MRTFB: variants seen among roughly 807,000 people sequenced by gnomAD.
The protein encoded by MRTFB is myocardin related transcription factor B, also known as myocardin-related transcription factor B.
MRTFB carries 29 observed loss-of-function variants against 104.2 expected under a neutral mutation model. The ratio of observed to expected loss-of-function variants is 0.28; its 90% CI spans 0.21 to 0.38. MRTFB has a LOEUF of 0.38. MRTFB is among the 10% of genes least tolerant of loss of function. The probability of loss-of-function intolerance (pLI) is 1.00; values close to 1 mark genes in which losing one functional copy is unlikely to be tolerated. For missense variants in MRTFB, 1,270 were observed against 1,341.6 expected (o/e 0.95, Z 0.83); for synonymous variants, 535 against 519.5 (o/e 1.03, Z -0.41).
At chr16:14,017,711 A>ATATATATATATATATATAT in the MRTFB span, among the ~76,000 whole-genome samples, 2 of 33,596 alleles carry the variant, frequency 6.0e-5, no homozygotes, top group East Asian at 1.0e-3. Context: ...ATATATATAT[A>ATATATATATATATATATAT]TTTTTTTTTT....
At chr16:14,012,975 C>T in the MRTFB span, 1 of 152,202 alleles carries the variant, frequency 6.6e-6, no homozygotes, top group African/African-American at 2.4e-5. Context: ...TTCCCAGTTT[C>T]CCATCAAATA....
chr16:14,136,222 C>T (rs2037711645), intron 2 of MRTFB, among the ~76,000 whole-genome samples: 1 of 151,158 alleles, frequency 6.6e-6, no homozygotes, highest in Non-Finnish European at 1.5e-5. Flanking sequence ...TGCAGTGAGC[C>T]AAGATTGTGC....
chr16:14,070,983 G>A (rs1342885792), upstream of MRTFB, among the ~76,000 whole-genome samples: 1 of 152,246 alleles, frequency 6.6e-6, no homozygotes, highest in Non-Finnish European at 1.5e-5. Flanking sequence ...CGCGCAGCGA[G>A]CACTCAGGAC....
chr16:14,161,555 A>G (rs1053619834), intron 3 of MRTFB, among the ~76,000 whole-genome samples: 1 of 152,238 alleles, frequency 6.6e-6, no homozygotes, highest in Non-Finnish European at 1.5e-5. Flanking sequence ...ATAGGACACA[A>G]ATAGCACTAC....
At chr16:14,139,667 A>G (rs1205272623) in intron 2 of MRTFB, among the ~76,000 whole-genome samples, 1 of 152,256 alleles carries the variant, frequency 6.6e-6, no homozygotes, top group East Asian at 1.9e-4. Flanking sequence ...ACATGTCCAT[A>G]TAGATACCTG....
At chr16:14,133,247 T>C (rs1302786726) in intron 2 of MRTFB, among the ~76,000 whole-genome samples, 1 of 152,208 alleles carries the variant, frequency 6.6e-6, no homozygotes, top group Non-Finnish European at 1.5e-5. Context: ...AATGAACTGA[T>C]ATTTATGCAC....
chr16:14,203,561 G>A (rs2040806772), intron 3 of MRTFB, among the ~76,000 whole-genome samples: 1 of 151,964 alleles, frequency 6.6e-6, no homozygotes, highest in African/African-American at 2.4e-5. Context: ...TCACACTTTG[G>A]GAGGCCAACG....
At chr16:14,184,192 T>G (rs143372798) in intron 3 of MRTFB, among the ~76,000 whole-genome samples, 1 of 151,534 alleles carries the variant, frequency 6.6e-6, no homozygotes, top group Non-Finnish European at 1.5e-5. Context: ...CCACCACTTA[T>G]GAGATATGCC....
At chr16:14,003,619 G>A in the MRTFB span, among the ~76,000 whole-genome samples, 2 of 6,100 alleles carry the variant, frequency 3.3e-4, no homozygotes, top group South Asian at 2.5e-3. Flanking sequence ...AGCTGGGGCC[G>A]GCCGGCCTGC....
chr16:14,188,114 G>A (rs1055797127), intron 3 of MRTFB, among the ~76,000 whole-genome samples: 4 of 152,138 alleles, frequency 2.6e-5, no homozygotes, highest in Non-Finnish European at 5.9e-5. Context: ...CTCCTAGGTC[G>A]AAATAAATGA....
At chr16:14,041,036 G>A in the MRTFB span, among the ~76,000 whole-genome samples, 1 of 152,136 alleles carries the variant, frequency 6.6e-6, no homozygotes, top group Non-Finnish European at 1.5e-5. Context: ...AGGAGGTTGA[G>A]GCATGAAGAT....
At chr16:14,102,802 T>C (rs1196458115) in intron 2 of MRTFB, among the ~76,000 whole-genome samples, 2 of 152,232 alleles carry the variant, frequency 1.3e-5, no homozygotes, top group Non-Finnish European at 2.9e-5. Context: ...AGTTTAATAA[T>C]ATTCACATAG....
chr16:14,240,899 A>G (rs2042738946), intron 10 of MRTFB: 3 of 615,648 alleles, frequency 4.9e-6, no homozygotes, highest in African/African-American at 1.8e-5. Context: ...ATCTTTGTAT[A>G]TAGAAGGCTC....
intron 3 of MRTFB, among the ~76,000 whole-genome samples, chr16:14,166,605 C>T (rs931981977): frequency 3.3e-5 from 5 of 152,152 alleles, no homozygotes; most frequent in African/African-American, 1.2e-4. Flanking sequence ...GTCAACCCAT[C>T]ACCTAGGTAT....
intron 3 of MRTFB, among the ~76,000 whole-genome samples, chr16:14,167,836 G>A (rs1457149612): frequency 6.6e-6 from 1 of 152,072 alleles, no homozygotes; most frequent in Non-Finnish European, 1.5e-5. Flanking sequence ...GACTACAAGC[G>A]CCCGCCGCGC....
At chr16:14,042,148 G>A in the MRTFB span, among the ~76,000 whole-genome samples, 1 of 152,008 alleles carries the variant, frequency 6.6e-6, no homozygotes, top group Non-Finnish European at 1.5e-5. Context: ...TTTTTGAGAT[G>A]GAGTTGTGCT....
At chr16:14,132,925 T>C (rs1223973588) in intron 2 of MRTFB, among the ~76,000 whole-genome samples, 1 of 152,234 alleles carries the variant, frequency 6.6e-6, no homozygotes, top group Non-Finnish European at 1.5e-5. Flanking sequence ...AATCTGTTTA[T>C]GCCAGTCGTA....
chr16:14,024,660 A>G, the MRTFB span, among the ~76,000 whole-genome samples: 1 of 152,236 alleles, frequency 6.6e-6, no homozygotes. Context: ...CAACCTAAAC[A>G]TTCATCAAAA....
the MRTFB span, among the ~76,000 whole-genome samples, chr16:14,064,369 A>T: frequency 6.6e-6 from 1 of 152,088 alleles, no homozygotes; most frequent in Non-Finnish European, 1.5e-5. Flanking sequence ...TTGGAATTAG[A>T]TCTTTGTAAG....
Sources: gnomAD v4.1 joint callset for allele counts (sites outside exome capture counted in the v4.1 genomes callset) on GRCh38, gnomAD v4.1.1 for gene constraint, MANE v1.5 for transcripts, NCBI Gene and HGNC (gene_info 2026-07-23, HGNC 2026-07-21) for gene names.